The following SLC24A2 variants were observed in gnomAD, a reference collection of about 807,000 sequenced individuals.
SLC24A2 encodes sodium/potassium/calcium exchanger 2.
In SLC24A2, 36 loss-of-function variants were observed where a neutral mutation model predicts 62.0. The ratio of observed to expected loss-of-function variants is 0.58; its 90% CI spans 0.44 to 0.77. SLC24A2 has a LOEUF of 0.77. Among genes scored for constraint, SLC24A2 ranks in the 30% least tolerant of loss-of-function variants. SLC24A2 has a pLI of 0.00. For synonymous variants in SLC24A2, 358 were observed against 294.0 expected (o/e 1.22, Z -2.23); for missense variants, 846 against 817.9 (o/e 1.03, Z -0.42).
In SLC24A2 at chr9:19,632,585, G is replaced by A. The variant is rs1298605615; in HGVS notation, c.931-10286C>T. 2.6e-5 allele frequency among the ~76,000 whole-genome samples: 4 copies of A among 152,172 alleles called. No homozygotes were observed. The highest frequency in any genetic ancestry group is 7.2e-5 in the African/African-American group (3 of 41,442). On this transcript the variant is annotated intron_variant, in intron 2 of 10. Coordinates refer to ENST00000341998, the MANE Select transcript of SLC24A2 (RefSeq NM_020344.4). The surrounding 1 kb of genome is among the most constrained non-coding windows in gnomAD (Gnocchi z 4.5). ...CTACAGTTGAAATACTGGGCTAAAT[G>A]CTCATTCATAATCTTAGGTGGCAGG...
the SLC24A2 span, among the ~76,000 whole-genome samples, chr9:19,799,434 T>C: frequency 6.6e-6 from 1 of 152,214 alleles, no homozygotes; most frequent in South Asian, 2.1e-4. Context: ...AGAATCCATA[T>C]TGTGTCCTTT....
the SLC24A2 span, among the ~76,000 whole-genome samples, chr9:20,173,573 C>T: frequency 6.6e-6 from 1 of 151,994 alleles, no homozygotes; most frequent in South Asian, 2.1e-4. Flanking sequence ...AACTCAACCC[C>T]TTTTATAGTA....
At chr9:20,118,074 A>C in the SLC24A2 span, among the ~76,000 whole-genome samples, 1 of 152,156 alleles carries the variant, frequency 6.6e-6, no homozygotes, top group Non-Finnish European at 1.5e-5. Flanking sequence ...TCTAGTGCCC[A>C]ATCTGCCTTA....
At chr9:19,754,802 C>T (rs539398658) in intron 2 of SLC24A2, among the ~76,000 whole-genome samples, 1 of 152,176 alleles carries the variant, frequency 6.6e-6, no homozygotes, top group East Asian at 1.9e-4. Flanking sequence ...GTGGCAGCAT[C>T]CCGATTCCTC....
the SLC24A2 span, among the ~76,000 whole-genome samples, chr9:20,056,046 G>A: frequency 6.6e-6 from 1 of 152,128 alleles, no homozygotes; most frequent in Admixed American, 6.5e-5. Context: ...ATTCTAATAA[G>A]AACCTAACAT....
chr9:19,792,168 A>G (rs539532673), upstream of SLC24A2, among the ~76,000 whole-genome samples: 2 of 152,330 alleles, frequency 1.3e-5, no homozygotes, highest in African/African-American at 4.8e-5. Flanking sequence ...GGTTAGGAAT[A>G]TCCCCTTGCC....
chr9:19,881,695 T>C, the SLC24A2 span, among the ~76,000 whole-genome samples: 2 of 152,180 alleles, frequency 1.3e-5, no homozygotes, highest in Non-Finnish European at 2.9e-5. Flanking sequence ...TTAGTAGTTA[T>C]TTTTCTCATT....
At chr9:19,787,157 T>C (rs1486037978) in intron 1 of SLC24A2, 138 bp from the exon 2 acceptor site, 1 of 299,330 alleles carries the variant, frequency 3.3e-6, no homozygotes, top group East Asian at 1.7e-4. Context: ...GTGCCTCAGT[T>C]TCCTCATTTA....
rs952634142 is a variant in SLC24A2 at position 19,721,212 on chromosome 9, C to T, written c.930+64725G>A. Among the ~76,000 whole-genome samples the T allele has an allele frequency of 1.6e-4, 24 of 152,118 alleles. 1 individual carries two copies. The highest frequency in any genetic ancestry group is 4.6e-4 in the African/African-American group (19 of 41,512). On this transcript the variant is annotated intron_variant, in intron 2 of 10. Transcript: ENST00000341998. ...CCAAAATTTCCAACTCTGAAAATCCCGCTTTAAAAATACAACTCACCTGGT... is the reference window on the plus strand; with the variant it reads ...CCAAAATTTCCAACTCTGAAAATCCTGCTTTAAAAATACAACTCACCTGGT...
At chr9:20,242,878 C>T in the SLC24A2 span, among the ~76,000 whole-genome samples, 1 of 152,126 alleles carries the variant, frequency 6.6e-6, no homozygotes, top group South Asian at 2.1e-4. Context: ...CTATGCAAAC[C>T]ACATCTCTAA....
chr9:19,597,077 G>A (rs1836722803), intron 5 of SLC24A2, 152 bp downstream of exon 5: 1 of 646,714 alleles, frequency 1.5e-6, no homozygotes, highest in Admixed American at 2.6e-5. Flanking sequence ...TAAACACAAT[G>A]GCAAAAACTA....
At chr9:20,046,181 G>A in the SLC24A2 span, among the ~76,000 whole-genome samples, 2 of 152,230 alleles carry the variant, frequency 1.3e-5, no homozygotes, top group African/African-American at 2.4e-5. Context: ...CACTGAGGCT[G>A]AATGGCCCAA....
At chr9:19,589,089 G>T (rs1418481373) in intron 5 of SLC24A2, among the ~76,000 whole-genome samples, 1 of 152,108 alleles carries the variant, frequency 6.6e-6, no homozygotes, top group African/African-American at 2.4e-5. Flanking sequence ...CTTTGATCTG[G>T]CATTTCTATC....
the SLC24A2 span, among the ~76,000 whole-genome samples, chr9:20,235,890 T>A: frequency 6.6e-6 from 1 of 152,180 alleles, no homozygotes; most frequent in Non-Finnish European, 1.5e-5. Context: ...TTTCTTTCTT[T>A]TTTTAAAATT....
the SLC24A2 span, among the ~76,000 whole-genome samples, chr9:20,002,058 A>G: frequency 2.6e-5 from 4 of 152,220 alleles, no homozygotes; most frequent in African/African-American, 9.6e-5. Context: ...GCTGAGGACT[A>G]AAGCCCTGCT....
the SLC24A2 span, among the ~76,000 whole-genome samples, chr9:20,260,849 CTTTTTTTTT>C: frequency 1.3e-4 from 12 of 90,280 alleles, no homozygotes; most frequent in African/African-American, 5.7e-4. Context: ...ATCATTCTTT[CTTTTTTTTT>C]TTTTTTTTTT....
chr9:19,678,348 C>T (rs1256408591), intron 2 of SLC24A2, among the ~76,000 whole-genome samples: 1 of 152,150 alleles, frequency 6.6e-6, no homozygotes, highest in African/African-American at 2.4e-5. Flanking sequence ...TCTGCAGCTG[C>T]CTAACCTGCA....
the SLC24A2 span, among the ~76,000 whole-genome samples, chr9:19,970,776 A>G: frequency 6.6e-6 from 1 of 152,232 alleles, no homozygotes. Context: ...AAAGTATTCT[A>G]CAGAGTCTGT....
At chr9:20,296,863 C>T in the SLC24A2 span, among the ~76,000 whole-genome samples, 3 of 152,190 alleles carry the variant, frequency 2.0e-5, no homozygotes. Context: ...TGTTAGTACA[C>T]CTGACTGTTT....
Sources: gnomAD v4.1 joint callset for allele counts (sites outside exome capture counted in the v4.1 genomes callset) on GRCh38, gnomAD v4.1.1 for gene constraint, Gnocchi (gnomAD v3.1) non-coding constraint, MANE v1.5 for transcripts, NCBI Gene and HGNC (gene_info 2026-07-23, HGNC 2026-07-21) for gene names.